The following TPO variants were observed in gnomAD, a reference collection of about 807,000 sequenced individuals.
The protein encoded by TPO is thyroid peroxidase, also known as thyroid microsomal antigen.
TPO carries 78 observed loss-of-function variants against 96.9 expected under a neutral mutation model. The observed-to-expected ratio is 0.81, with a 90% CI of 0.67 to 0.97. TPO has a LOEUF of 0.97. TPO is among the 50% of genes least tolerant of loss of function. TPO has a pLI of 0.00. For synonymous variants in TPO, 547 were observed against 538.0 expected (o/e 1.02, Z -0.23); for missense variants, 1,252 against 1,274.8 (o/e 0.98, Z 0.27).
At chr2:1,397,337 G>A (rs1161163543) in intron 1 of TPO, among the ~76,000 whole-genome samples, 1 of 152,106 alleles carries the variant, frequency 6.6e-6, no homozygotes, top group East Asian at 1.9e-4. Flanking sequence ...TGAAACATAG[G>A]GCATGACATG....
intron 11 of TPO, among the ~76,000 whole-genome samples, chr2:1,494,800 A>AT (rs1672165654): frequency 1.3e-5 from 2 of 152,254 alleles, no homozygotes; most frequent in East Asian, 3.9e-4. Context: ...CCGAGGTCAG[A>AT]TTTTTGTTGT....
chr2:1,476,839 G>A lies in TPO; in HGVS notation c.820-247G>A, dbSNP rs182556359. 2.1e-3 allele frequency among the ~76,000 whole-genome samples: 320 copies of A among 150,228 alleles called. 2 individuals are homozygous for A. Among genetic ancestry groups the A allele is most frequent in the African/African-American group, 7.4e-3 (299 of 40,370 alleles). ...AGCCTCTTCCAGGCAAGAGACCACCGGTGAGCAGGCCAGGGGGGAGGTGGG... is the reference window on the plus strand; with the variant it reads ...AGCCTCTTCCAGGCAAGAGACCACCAGTGAGCAGGCCAGGGGGGAGGTGGG... On this transcript the variant is annotated intron_variant, in intron 7 of 16. Transcript: ENST00000329066.
chr2:1,472,152 G>A (rs185016279), intron 7 of TPO, among the ~76,000 whole-genome samples: 22 of 149,052 alleles, frequency 1.5e-4, no homozygotes, highest in African/African-American at 4.2e-4. Flanking sequence ...TGCTCTTCCT[G>A]TGATCCAAAT....
intron 3 of TPO, among the ~76,000 whole-genome samples, chr2:1,426,700 G>A (rs1280993613): frequency 6.6e-6 from 1 of 152,210 alleles, no homozygotes; most frequent in African/African-American, 2.4e-5. Flanking sequence ...CCTGAAGAAG[G>A]CACTTCATTT....
At chr2:1,540,158 G>C (rs1444551107) in intron 15 of TPO, among the ~76,000 whole-genome samples, 1 of 152,104 alleles carries the variant, frequency 6.6e-6, no homozygotes, top group African/African-American at 2.4e-5. Context: ...CTCCAGGTCG[G>C]GGCTGGGGTC....
At position 1,542,812 on chromosome 2, in the gene TPO, T is replaced by C. The variant is rs957397074; in HGVS notation, c.*338T>C. Reference sequence around the variant, plus strand: ...TCTGGCATCTCTGATGCCGTGCTCGTCTGCACTCTGCCCCGGCGGTCCCTC... The same window carrying C: ...TCTGGCATCTCTGATGCCGTGCTCGCCTGCACTCTGCCCCGGCGGTCCCTC... On this transcript the variant is annotated 3_prime_UTR_variant, in exon 17 of 17. Coordinates refer to ENST00000329066, the MANE Select transcript of TPO (RefSeq NM_001206744.2). 1.2e-5 allele frequency: 6 copies of C among 500,744 alleles called. No homozygotes were observed. The highest frequency in any genetic ancestry group is 1.2e-4 in the African/African-American group (6 of 51,194). 31.0% of individuals were successfully genotyped at this position (500,744 alleles called of 1,614,324 possible).
At chr2:1,504,371 C>G (rs908510295) in intron 14 of TPO, among the ~76,000 whole-genome samples, 3 of 152,138 alleles carry the variant, frequency 2.0e-5, no homozygotes, top group African/African-American at 7.2e-5. Flanking sequence ...CTAGATCACA[C>G]CCCAGACAAA....
intron 15 of TPO, among the ~76,000 whole-genome samples, chr2:1,537,441 C>CTGTGCAA (rs1680019179): frequency 7.4e-6 from 1 of 134,668 alleles, no homozygotes; most frequent in African/African-American, 2.9e-5. Flanking sequence ...TGTGCAAACT[C>CTGTGCAA]CCAAATCTCC....
intron 3 of TPO, among the ~76,000 whole-genome samples, chr2:1,426,393 A>G (rs1225941506): frequency 1.3e-5 from 2 of 152,166 alleles, no homozygotes; most frequent in East Asian, 3.8e-4. Flanking sequence ...ATGCCGGGAT[A>G]CAGAGATGAG....
intron 14 of TPO, among the ~76,000 whole-genome samples, chr2:1,506,953 C>T (rs1673532266): frequency 6.6e-6 from 1 of 151,944 alleles, no homozygotes; most frequent in African/African-American, 2.4e-5. Flanking sequence ...ACATGAAGTC[C>T]TTGCCCATGC....
intron 5 of TPO, among the ~76,000 whole-genome samples, chr2:1,448,764 C>T (rs1053809757): frequency 6.6e-6 from 1 of 152,158 alleles, no homozygotes; most frequent in Non-Finnish European, 1.5e-5. Context: ...CATTTGTTCA[C>T]GGTGCAGGAA....
intron 15 of TPO, among the ~76,000 whole-genome samples, chr2:1,537,540 A>AGTGTGCAACCCCCCAAATCCCCC: frequency 4.5e-5 from 1 of 22,130 alleles, no homozygotes; most frequent in African/African-American, 2.4e-4. Flanking sequence ...TATCCCCCCC[A>AGTGTGCAACCCCCCAAATCCCCC]GTGTGCAACC....
At chr2:1,438,875 C>A (rs750918967) in intron 5 of TPO, 2 of 716,970 alleles carry the variant, frequency 2.8e-6, no homozygotes, top group East Asian at 2.7e-5. Context: ...TAACTAGGAA[C>A]CTTCCAGCAG....
chr2:1,543,370 A>G lies in TPO; in HGVS notation c.*896A>G, dbSNP rs1680934446. 6.6e-6 allele frequency: 1 copy of G among 152,244 alleles called. No individual in the cohort carries two copies. The highest frequency in any genetic ancestry group is 2.4e-5 in the African/African-American group (1 of 41,446). 9.4% of individuals were successfully genotyped at this position (152,244 alleles called of 1,614,324 possible). A position where few individuals can be genotyped will look rare whatever the true frequency, so the allele number is the denominator to read the frequency against. ...TCTGACCTGGAGTTCTACCTGCACT[A>G]AGAGAAGAGAGTGGTAACTAATTCA... On this transcript the variant is annotated 3_prime_UTR_variant, in exon 17 of 17. Coordinates refer to ENST00000329066, the MANE Select transcript of TPO (RefSeq NM_001206744.2).
intron 15 of TPO, among the ~76,000 whole-genome samples, chr2:1,528,600 C>G (rs1419640532): frequency 7.0e-6 from 1 of 142,464 alleles, no homozygotes; most frequent in Non-Finnish European, 1.5e-5. Context: ...CGCCCCAAAT[C>G]TACCCCAGTC....
intron 4 of TPO, among the ~76,000 whole-genome samples, chr2:1,435,559 A>G (rs1055360631): frequency 1.3e-5 from 2 of 152,244 alleles, no homozygotes; most frequent in Non-Finnish European, 2.9e-5. Flanking sequence ...TCAAAGATTT[A>G]TATAAACCAT....
rs181966224 is a variant in TPO at position 1,471,684 on chromosome 2, C to A, written c.820-5402C>A. Among the ~76,000 whole-genome samples, 128 of 152,258 alleles carry A rather than the reference C, an allele frequency of 8.4e-4. 1 individual carries two copies. The highest frequency in any genetic ancestry group is 2.2e-3 in the Admixed American group (33 of 15,298). On this transcript the variant is annotated intron_variant, in intron 7 of 16. Coordinates refer to ENST00000329066, the MANE Select transcript of TPO (RefSeq NM_001206744.2). ...TCCACTCATGCCCCTGCCCCCAAAC[C>A]AATCATTTGACTCCCAAATGTTGAT...
intron 5 of TPO, chr2:1,438,784 T>A (rs1429400417): frequency 4.5e-6 from 2 of 448,598 alleles, no homozygotes; most frequent in Non-Finnish European, 7.9e-6. Flanking sequence ...TGGAGATTTT[T>A]TTTTTTTTTT....
Position 1,540,648 on chromosome 2 carries a change from T to G in TPO, c.2673T>G (p.Thr891=). The change falls in exon 16 of 17, where the codon ACT becomes ACG. Residue 891 remains threonine, a synonymous_variant. Coordinates refer to ENST00000329066, the MANE Select transcript of TPO (RefSeq NM_001206744.2). ...CCATCTCGGAGACAGGCGGAGGAAC[T>G]CCCGAGCTGAGATGCGGAAAGCACC... ...TLPISETGGG[T]PELRCGKHQA... is the part of the protein sequence containing the mutation. 1.9e-6 allele frequency: 3 copies of G among 1,613,378 alleles called. No individual in the cohort carries two copies. Among genetic ancestry groups the G allele is most frequent in the Non-Finnish European group, 2.5e-6 (3 of 1,180,008 alleles).
Sources: gnomAD v4.1 joint callset for allele counts (sites outside exome capture counted in the v4.1 genomes callset) on GRCh38, gnomAD v4.1.1 for gene constraint, MANE v1.5 for transcripts, NCBI Gene and HGNC (gene_info 2026-07-23, HGNC 2026-07-21) for gene names.